The following NUBPL variants were observed in gnomAD, a reference collection of about 807,000 sequenced individuals.
NUBPL encodes the protein NUBP iron-sulfur cluster assembly factor, mitochondrial, also known as iron-sulfur cluster transfer protein NUBPL.
NUBPL carries 31 observed loss-of-function variants against 45.7 expected under a neutral mutation model. That is an observed-to-expected ratio of 0.68 (90% CI 0.51 to 0.92). NUBPL has a LOEUF of 0.92. NUBPL is among the 40% of genes least tolerant of loss of function. NUBPL has a pLI of 0.00. For missense variants in NUBPL, 401 were observed against 398.7 expected (o/e 1.01, Z -0.05); for synonymous variants, 144 against 140.9 (o/e 1.02, Z -0.15).
At chr14:31,631,041 TGGGC>T (rs2035328034) in intron 4 of NUBPL, among the ~76,000 whole-genome samples, 1 of 152,194 alleles carries the variant, frequency 6.6e-6, no homozygotes, top group South Asian at 2.1e-4. Flanking sequence ...CCAAGATGAA[TGGGC>T]TCTGTTTGGA....
chr14:31,565,996 T>C (rs1180772262), intron 3 of NUBPL, among the ~76,000 whole-genome samples: 1 of 152,142 alleles, frequency 6.6e-6, no homozygotes, highest in African/African-American at 2.4e-5. Flanking sequence ...AATTATCAGC[T>C]ACTAAATGAA....
At chr14:31,564,881 A>G (rs2033395776) in intron 2 of NUBPL, 133 bp from the exon 3 acceptor site, 2 of 561,564 alleles carry the variant, frequency 3.6e-6, no homozygotes, top group Admixed American at 3.1e-5. Context: ...CAAAATTTAT[A>G]TGCTTAGGTT....
At chr14:31,850,565 G>C (rs756430546) in intron 10 of NUBPL, among the ~76,000 whole-genome samples, 1 of 152,170 alleles carries the variant, frequency 6.6e-6, no homozygotes, top group Non-Finnish European at 1.5e-5. Context: ...CCTAATGCAA[G>C]AAAGTATTGA....
chr14:31,752,940 G>C (rs79758033), intron 6 of NUBPL, among the ~76,000 whole-genome samples: 9,644 of 152,214 alleles, frequency 0.063, 417 homozygotes, highest in Non-Finnish European at 0.092. Flanking sequence ...AGAGAGAAGG[G>C]GGAAGTGCCA....
chr14:31,630,832 C>T (rs571847572), intron 4 of NUBPL, among the ~76,000 whole-genome samples: 34 of 152,304 alleles, frequency 2.2e-4, no homozygotes, highest in African/African-American at 5.8e-4. Flanking sequence ...TGTGCAATCT[C>T]TGGGAATTAT....
chr14:31,748,675 C>T (rs140636492), intron 6 of NUBPL, among the ~76,000 whole-genome samples: 4 of 152,112 alleles, frequency 2.6e-5, no homozygotes, highest in East Asian at 3.9e-4. Context: ...TGCAGTGGAG[C>T]GATCTCGGCT....
intron 3 of NUBPL, among the ~76,000 whole-genome samples, chr14:31,569,726 C>T (rs1042350845): frequency 2.0e-5 from 3 of 152,050 alleles, no homozygotes; most frequent in East Asian, 1.9e-4. Flanking sequence ...CAGACCAACT[C>T]GTATCATGTT....
At chr14:31,612,730 A>T (rs2034794697) in intron 4 of NUBPL, among the ~76,000 whole-genome samples, 1 of 152,210 alleles carries the variant, frequency 6.6e-6, no homozygotes, top group Admixed American at 6.5e-5. Context: ...AGAGAAATGC[A>T]AATCAAAACT....
At chr14:31,762,090 G>A (rs145458552) in intron 6 of NUBPL, among the ~76,000 whole-genome samples, 53 of 152,248 alleles carry the variant, frequency 3.5e-4, no homozygotes, top group African/African-American at 1.2e-3. Context: ...GCTATAGCTA[G>A]GTTTTTGGGA....
intron 10 of NUBPL, among the ~76,000 whole-genome samples, chr14:31,851,681 G>A (rs367899433): frequency 3.5e-4 from 54 of 152,204 alleles, no homozygotes; most frequent in African/African-American, 1.2e-3. Context: ...ATTAAAGTCT[G>A]CCAATCCCAA....
At chr14:31,814,994 C>T (rs141094071) in intron 7 of NUBPL, among the ~76,000 whole-genome samples, 9,649 of 152,052 alleles carry the variant, frequency 0.063, 419 homozygotes, top group Non-Finnish European at 0.092. Context: ...TTGTTCTTTT[C>T]GCTTAGGATT....
At position 31,574,689 on chromosome 14, in the gene NUBPL, C is replaced by T. The variant is rs1325379887; in HGVS notation, c.291+9641C>T. Among the ~76,000 whole-genome samples, 3 of 142,454 alleles carry T rather than the reference C, an allele frequency of 2.1e-5. No individual in the cohort carries two copies. The East Asian group carries it at 6.6e-4, about 31-fold the overall frequency. 93.5% of individuals were successfully genotyped at this position (142,454 alleles called of 152,430 possible). A position where few individuals can be genotyped will look rare whatever the true frequency, so the allele number is the denominator to read the frequency against. On this transcript the variant is annotated intron_variant, in intron 3 of 10. Coordinates refer to ENST00000281081, the MANE Select transcript of NUBPL (RefSeq NM_025152.3). Reference sequence around the variant, plus strand: ...CACTGCAACCTTTGCCTCCCGGGTTCAAGTGATCTTCTGCCTCAGCCTTCC... The same window carrying T: ...CACTGCAACCTTTGCCTCCCGGGTTTAAGTGATCTTCTGCCTCAGCCTTCC...
At chr14:31,742,558 G>A (rs1241879889) in intron 6 of NUBPL, among the ~76,000 whole-genome samples, 1 of 152,070 alleles carries the variant, frequency 6.6e-6, no homozygotes, top group Non-Finnish European at 1.5e-5. Context: ...TTACCAGCTG[G>A]CCTGTAGTCT....
chr14:31,819,984 CA>C (rs2039987500), intron 7 of NUBPL, among the ~76,000 whole-genome samples: 1 of 151,566 alleles, frequency 6.6e-6, no homozygotes, highest in Non-Finnish European at 1.5e-5. Flanking sequence ...ACTAAAAATA[CA>C]AAAAATTACC....
At chr14:31,660,529 G>C (rs1363571085) in intron 4 of NUBPL, among the ~76,000 whole-genome samples, 1 of 151,978 alleles carries the variant, frequency 6.6e-6, no homozygotes, top group East Asian at 1.9e-4. Flanking sequence ...TTTTCTTCAA[G>C]ATACGAATAC....
At chr14:31,742,380 C>G (rs1005836250) in intron 6 of NUBPL, among the ~76,000 whole-genome samples, 4 of 152,134 alleles carry the variant, frequency 2.6e-5, no homozygotes, top group Non-Finnish European at 5.9e-5. Flanking sequence ...AAACTTGACT[C>G]TATGCCTGAA....
intron 8 of NUBPL, among the ~76,000 whole-genome samples, chr14:31,828,484 A>G (rs2040139382): frequency 6.6e-6 from 1 of 152,220 alleles, no homozygotes. Context: ...ACATAAGTGA[A>G]TGCTTAACTT....
At chr14:31,659,799 A>T (rs886202547) in intron 4 of NUBPL, among the ~76,000 whole-genome samples, 1 of 152,212 alleles carries the variant, frequency 6.6e-6, no homozygotes, top group African/African-American at 2.4e-5. Context: ...CTTGAGCCAG[A>T]TGATTTTCCT....
intron 4 of NUBPL, among the ~76,000 whole-genome samples, chr14:31,665,811 T>C (rs147731686): frequency 0.011 from 1,612 of 152,198 alleles, 24 homozygotes; most frequent in African/African-American, 0.037. Context: ...TGTTGATCTG[T>C]CTAGTATTGA....
Sources: gnomAD v4.1 joint callset for allele counts (sites outside exome capture counted in the v4.1 genomes callset) on GRCh38, gnomAD v4.1.1 for gene constraint, MANE v1.5 for transcripts, NCBI Gene and HGNC (gene_info 2026-07-23, HGNC 2026-07-21) for gene names.